DLG2: variants seen among roughly 807,000 people sequenced by gnomAD.
DLG2 encodes the protein discs large MAGUK scaffold protein 2.
A neutral mutation model predicts 132.5 loss-of-function variants in DLG2; 45 were observed. The ratio of observed to expected loss-of-function variants is 0.34; its 90% CI spans 0.27 to 0.44. DLG2 has a LOEUF of 0.44. Ranked by LOEUF, DLG2 falls within the 20% of genes least tolerant of loss-of-function variation. The pLI is 1.00. For synonymous variants in DLG2, 424 were observed against 419.6 expected (o/e 1.01, Z -0.13); for missense variants, 1,045 against 1,196.9 (o/e 0.87, Z 1.87).
chr11:85,133,561 G>A (rs1171207712), intron 5 of DLG2, among the ~76,000 whole-genome samples: 1 of 152,112 alleles, frequency 6.6e-6, no homozygotes, highest in Non-Finnish European at 1.5e-5. Context: ...TATAGAAAAG[G>A]GTTACATTTC....
At chr11:83,916,363 T>A (rs1256073120) in intron 15 of DLG2, among the ~76,000 whole-genome samples, 1 of 152,172 alleles carries the variant, frequency 6.6e-6, no homozygotes, top group East Asian at 1.9e-4. Context: ...TTGCCCAGGC[T>A]GGAGTGCTGT....
intron 10 of DLG2, among the ~76,000 whole-genome samples, chr11:84,074,392 C>A (rs2096796010): frequency 6.6e-6 from 1 of 152,164 alleles, no homozygotes; most frequent in African/African-American, 2.4e-5. Context: ...CTATCCCAGT[C>A]CATCAACTTT....
chr11:84,915,803 C>A lies in DLG2; in HGVS notation c.357+195858G>T, dbSNP rs190538961. 9.9e-4 allele frequency among the ~76,000 whole-genome samples: 151 copies of A among 151,902 alleles called. 1 individual carries two copies. Among genetic ancestry groups the A allele is most frequent in the African/African-American group, 3.4e-3 (142 of 41,484 alleles). ...AAAATATTTCCAGCTTTCTGAACGG[C>A]TAACATTCATTCATTCAGTCCATTA... On this transcript the variant is annotated intron_variant, in intron 6 of 27. Transcript: ENST00000376104.
At chr11:84,178,021 G>C (rs1313970871) in intron 8 of DLG2, among the ~76,000 whole-genome samples, 2 of 151,550 alleles carry the variant, frequency 1.3e-5, no homozygotes, top group African/African-American at 4.8e-5. Context: ...AAAAACTGCT[G>C]AATGTTAGTT....
chr11:85,376,988 C>T (rs2085457524), intron 3 of DLG2, among the ~76,000 whole-genome samples: 1 of 152,154 alleles, frequency 6.6e-6, no homozygotes, highest in Admixed American at 6.5e-5. Context: ...GCACCTTGTA[C>T]TTAATTCTCA....
At chr11:84,498,133 C>A (rs906528644) in intron 7 of DLG2, among the ~76,000 whole-genome samples, 1 of 152,026 alleles carries the variant, frequency 6.6e-6, no homozygotes, top group Non-Finnish European at 1.5e-5. Context: ...GGCACAAAAA[C>A]GAAAAGAGAT....
intron 7 of DLG2, among the ~76,000 whole-genome samples, chr11:84,391,968 C>A (rs540286010): frequency 1.1e-4 from 16 of 152,260 alleles, no homozygotes; most frequent in Non-Finnish European, 1.9e-4. Flanking sequence ...GAAGAAACAG[C>A]TTCACTTATC....
chr11:85,548,500 A>G (rs1384635212), intron 3 of DLG2, among the ~76,000 whole-genome samples: 1 of 152,208 alleles, frequency 6.6e-6, no homozygotes, highest in Non-Finnish European at 1.5e-5. Context: ...TCTGTCCCTT[A>G]TCAGAGCTTG....
intron 18 of DLG2, among the ~76,000 whole-genome samples, chr11:83,736,073 T>A (rs569239524): frequency 6.6e-6 from 1 of 152,312 alleles, no homozygotes; most frequent in Admixed American, 6.5e-5. Flanking sequence ...TGTCAAATAT[T>A]GACATTTTTC....
chr11:84,121,672 C>T (rs1201671847), intron 9 of DLG2, among the ~76,000 whole-genome samples: 1 of 149,000 alleles, frequency 6.7e-6, no homozygotes, highest in Non-Finnish European at 1.5e-5. Flanking sequence ...CGCCATTCTC[C>T]TGCCTCAGCC....
chr11:84,299,893 A>C (rs1355148240), intron 7 of DLG2, among the ~76,000 whole-genome samples: 1 of 152,170 alleles, frequency 6.6e-6, no homozygotes, highest in South Asian at 2.1e-4. Flanking sequence ...TCCTTGGAAC[A>C]ACCAGAAGGT....
chr11:83,809,218 T>G (rs979875496), intron 17 of DLG2, among the ~76,000 whole-genome samples: 2 of 152,210 alleles, frequency 1.3e-5, no homozygotes, highest in African/African-American at 4.8e-5. Context: ...TAAATCTTTC[T>G]CATTCCACCA....
chr11:85,034,742 G>A (rs537396559), intron 6 of DLG2, among the ~76,000 whole-genome samples: 41 of 152,072 alleles, frequency 2.7e-4, no homozygotes, highest in East Asian at 7.7e-4. Flanking sequence ...GTTTCAGGGC[G>A]ATCCTGTGGT....
chr11:84,677,577 A>G (rs76714513), intron 6 of DLG2, among the ~76,000 whole-genome samples: 320 of 152,162 alleles, frequency 2.1e-3, no homozygotes, highest in African/African-American at 7.3e-3. Flanking sequence ...ACAAAACACT[A>G]TATCAGTTCA....
intron 6 of DLG2, among the ~76,000 whole-genome samples, chr11:85,072,623 A>G (rs2066013002): frequency 6.6e-6 from 1 of 151,852 alleles, no homozygotes; most frequent in South Asian, 2.1e-4. Flanking sequence ...CTTTCATCAC[A>G]TTTTGCAATG....
At position 84,095,487 on chromosome 11, in the gene DLG2, G is replaced by T. The variant is rs2097153365; in HGVS notation, c.749+3436C>A. ...TTCTCCCATGTCCTTAAGGACTAAT[G>T]GTGAGATAAAACATACTCCTCATGG... On this transcript the variant is annotated intron_variant, in intron 10 of 27. Transcript: ENST00000376104. Among the ~76,000 whole-genome samples, 3 of 152,130 alleles carry T rather than the reference G, an allele frequency of 2.0e-5. No individual in the cohort carries two copies. The South Asian group carries it at 6.2e-4, about 32-fold the overall frequency.
At chr11:85,565,227 A>G (rs2077465005) in intron 3 of DLG2, among the ~76,000 whole-genome samples, 2 of 151,810 alleles carry the variant, frequency 1.3e-5, no homozygotes, top group African/African-American at 2.4e-5. Context: ...TTCCCTTACT[A>G]CACTGGCTAG....
rs1456866351 is a variant in DLG2 at position 83,965,433 on chromosome 11, T to A, written c.1092A>T (p.Glu364Asp). The A allele has an allele frequency of 3.7e-6, 6 of 1,611,466 alleles. 1 individual carries two copies. ...NNYSLEEVTH[E>D]EAVAILKNTS... The stretch of plus-strand genomic sequence containing the variant: ...TGTTCTTTAATATTGCTACTGCCTC[T>A]TCGTGTGTTACTTCTTCTAAACTGT... Residue 364 changes from glutamate to aspartate, a missense_variant, in exon 13 of 28, where the codon GAA (glutamate) becomes GAT (aspartate). By Grantham distance (45) the Glu-to-Asp change is conservative (BLOSUM62 2). Coordinates refer to ENST00000376104, the MANE Select transcript of DLG2 (RefSeq NM_001142699.3).
chr11:85,612,144 A>C (rs895803385), intron 2 of DLG2, among the ~76,000 whole-genome samples: 3 of 152,224 alleles, frequency 2.0e-5, no homozygotes, highest in African/African-American at 4.8e-5. Flanking sequence ...TATAATTGAT[A>C]ATTGAAGGTC....
Sources: allele counts gnomAD v4.1 joint callset (sites outside exome capture counted in the v4.1 genomes callset), GRCh38; gene constraint gnomAD v4.1.1; transcripts MANE v1.5; gene names NCBI Gene and HGNC (gene_info 2026-07-23, HGNC 2026-07-21).